The following CCDC148 variants were observed in gnomAD, a reference collection of about 807,000 sequenced individuals.
CCDC148 encodes coiled-coil domain containing 148.
A neutral mutation model predicts 85.7 loss-of-function variants in CCDC148; 89 were observed. That is an observed-to-expected ratio of 1.04 (90% confidence interval 0.87 to 1.24). The LOEUF is 1.24. CCDC148 is among the 50% of genes most tolerant of loss of function. The pLI is 0.00. For synonymous variants in CCDC148, 230 were observed against 213.9 expected (o/e 1.08, Z -0.66); for missense variants, 692 against 671.7 (o/e 1.03, Z -0.33).
intron 11 of CCDC148, among the ~76,000 whole-genome samples, chr2:158,206,055 T>C (rs893134894): frequency 6.6e-6 from 1 of 152,190 alleles, no homozygotes; most frequent in South Asian, 2.1e-4. Flanking sequence ...GTCAAGCAGA[T>C]ACATGTGGTA....
intron 7 of CCDC148, among the ~76,000 whole-genome samples, chr2:158,314,294 G>A (rs749501512): frequency 6.6e-6 from 1 of 152,150 alleles, no homozygotes; most frequent in Non-Finnish European, 1.5e-5. Flanking sequence ...CTGGAGAAAA[G>A]TATAAATGTA....
At chr2:158,426,921 G>A (rs184762641) in intron 1 of CCDC148, among the ~76,000 whole-genome samples, 1 of 152,140 alleles carries the variant, frequency 6.6e-6, no homozygotes, top group African/African-American at 2.4e-5. Flanking sequence ...CAACTTTAGG[G>A]ACTAGAAGGC....
intron 8 of CCDC148, among the ~76,000 whole-genome samples, chr2:158,311,403 T>C (rs1455873011): frequency 6.6e-6 from 1 of 151,876 alleles, no homozygotes; most frequent in Non-Finnish European, 1.5e-5. Flanking sequence ...GAAGTTGCAG[T>C]GAGCCGAGAT....
chr2:158,219,231 T>C (rs1687046598), intron 11 of CCDC148, among the ~76,000 whole-genome samples: 1 of 152,196 alleles, frequency 6.6e-6, no homozygotes, highest in South Asian at 2.1e-4. Flanking sequence ...AAGCTCACTA[T>C]TTAGAGGAAA....
At chr2:158,391,277 G>A (rs1685296904) in intron 1 of CCDC148, among the ~76,000 whole-genome samples, 1 of 152,030 alleles carries the variant, frequency 6.6e-6, no homozygotes, top group Non-Finnish European at 1.5e-5. Context: ...GCTCAAAATG[G>A]ATATTCTATA....
At chr2:158,291,153 A>G (rs1010507372) in intron 9 of CCDC148, among the ~76,000 whole-genome samples, 6 of 152,068 alleles carry the variant, frequency 3.9e-5, no homozygotes, top group Admixed American at 3.9e-4. Flanking sequence ...GGGTCTCGCT[A>G]TATTGCCCAG....
chr2:158,241,004 G>A (rs568522227), intron 10 of CCDC148, among the ~76,000 whole-genome samples: 1 of 152,226 alleles, frequency 6.6e-6, no homozygotes, highest in South Asian at 2.1e-4. Flanking sequence ...GAAGACAGAT[G>A]CCCAAATTAC....
At chr2:158,430,951 T>A (rs1235460667) in intron 1 of CCDC148, among the ~76,000 whole-genome samples, 1 of 151,874 alleles carries the variant, frequency 6.6e-6, no homozygotes, top group East Asian at 1.9e-4. Flanking sequence ...AAAATGTCAT[T>A]GGATGGAATT....
At chr2:158,392,326 T>C (rs370114029) in intron 1 of CCDC148, among the ~76,000 whole-genome samples, 1 of 152,164 alleles carries the variant, frequency 6.6e-6, no homozygotes, top group Non-Finnish European at 1.5e-5. Flanking sequence ...TAGTGGTCTG[T>C]AACTTTTTTA....
intron 9 of CCDC148, 149 bp downstream of exon 9, chr2:158,309,284 C>T: frequency 4.8e-6 from 3 of 628,786 alleles, no homozygotes; most frequent in East Asian, 2.9e-5. Flanking sequence ...CTAAAAAATG[C>T]AATTTTATAC....
intron 8 of CCDC148, among the ~76,000 whole-genome samples, chr2:158,312,833 A>G (rs1692100424): frequency 6.6e-6 from 1 of 152,100 alleles, no homozygotes; most frequent in Non-Finnish European, 1.5e-5. Context: ...ATGAAAGAGG[A>G]TGGGAGAAAA....
chr2:158,456,403 G>C lies in CCDC148; in HGVS notation c.25+12C>G, dbSNP rs1370133788. ...AGGAAGCAGCGATGGAAGGGATGGG[G>C]TGCAAACTCACCTGGAGAAGCAGAA... On this transcript the variant is annotated intron_variant, in intron 1 of 13. Transcript: ENST00000283233. The C allele has an allele frequency of 1.9e-6, 3 of 1,611,242 alleles. No homozygotes were observed. The African/African-American group carries it at 4.0e-5, about 22-fold the overall frequency.
chr2:158,203,022 A>C (rs1267034672), intron 11 of CCDC148, among the ~76,000 whole-genome samples: 1 of 152,152 alleles, frequency 6.6e-6, no homozygotes, highest in Non-Finnish European at 1.5e-5. Context: ...TCCAAGATTA[A>C]AGAAGTCCAT....
chr2:158,397,515 A>T (rs1305006788), intron 1 of CCDC148, among the ~76,000 whole-genome samples: 1 of 152,192 alleles, frequency 6.6e-6, no homozygotes, highest in Non-Finnish European at 1.5e-5. Context: ...AGAATTTCAT[A>T]TCCAGCCAAA....
intron 3 of CCDC148, among the ~76,000 whole-genome samples, chr2:158,341,007 C>T (rs11892615): frequency 0.17 from 25,623 of 151,794 alleles, 3,408 homozygotes; most frequent in African/African-American, 0.37. Flanking sequence ...CCCAAGACAA[C>T]AAGATAGAGC....
intron 10 of CCDC148, among the ~76,000 whole-genome samples, chr2:158,240,450 T>TCACACACA (rs1284517602): frequency 2.2e-3 from 207 of 92,548 alleles, no homozygotes; most frequent in African/African-American, 6.6e-3. Flanking sequence ...TCTCTCTCTC[T>TCACACACA]CTCACACACA....
rs1435446396 is a variant in CCDC148, at chr2:158,356,277, A to G, written c.147+2172T>C. 2.8e-5 allele frequency among the ~76,000 whole-genome samples: 4 copies of G among 144,100 alleles called. 1 individual carries two copies. In the South Asian group the frequency reaches 8.8e-4, roughly 32 times the overall value. 94.5% of individuals were successfully genotyped at this position (144,100 alleles called of 152,430 possible). A position where few individuals can be genotyped will look rare whatever the true frequency, so the allele number is the denominator to read the frequency against. On this transcript the variant is annotated intron_variant, in intron 2 of 13. Coordinates refer to ENST00000283233, the MANE Select transcript of CCDC148 (RefSeq NM_138803.4). ...CTTCTGCACAGCAAAAGAAACTACC[A>G]TCAGAGTGAACAGGCAACCTACAAA...
intron 9 of CCDC148, among the ~76,000 whole-genome samples, chr2:158,294,314 T>C (rs563433829): frequency 2.6e-5 from 4 of 152,284 alleles, no homozygotes; most frequent in Non-Finnish European, 4.4e-5. Context: ...TCACAGCTTG[T>C]TTACCCCTTC....
At chr2:158,332,776 C>A (rs1316012266) in intron 7 of CCDC148, among the ~76,000 whole-genome samples, 1 of 151,950 alleles carries the variant, frequency 6.6e-6, no homozygotes, top group Non-Finnish European at 1.5e-5. Context: ...TGTATTTGTC[C>A]AGGAATTTAT....
Sources: gnomAD v4.1 joint callset for allele counts (sites outside exome capture counted in the v4.1 genomes callset) on GRCh38, gnomAD v4.1.1 for gene constraint, MANE v1.5 for transcripts, NCBI Gene and HGNC (gene_info 2026-07-23, HGNC 2026-07-21) for gene names.